Variants in JARID2 observed in about 807,000 individuals in gnomAD.
JARID2 encodes protein Jumonji.
In JARID2, 21 loss-of-function variants were observed where a neutral mutation model predicts 125.6. The observed-to-expected ratio is 0.17, with a 90% CI of 0.12 to 0.24. JARID2 has a LOEUF of 0.24. JARID2 is among the 10% of genes least tolerant of loss of function. The pLI is 1.00. For missense variants in JARID2, 1,303 were observed against 1,639.6 expected (o/e 0.79, Z 3.55); for synonymous variants, 736 against 661.6 (o/e 1.11, Z -1.73).
chr6:15,438,944 ATCGCT>A (rs1767330638), intron 3 of JARID2, among the ~76,000 whole-genome samples: 1 of 151,778 alleles, frequency 6.6e-6, no homozygotes, highest in South Asian at 2.1e-4. Context: ...AGGCAAGAGA[ATCGCT>A]TCAACCCGGA....
intron 3 of JARID2, among the ~76,000 whole-genome samples, chr6:15,419,030 T>C (rs1245144452): frequency 6.6e-6 from 1 of 152,052 alleles, no homozygotes; most frequent in Non-Finnish European, 1.5e-5. Flanking sequence ...TGAGCATCCT[T>C]AATAATTGGA....
intron 4 of JARID2, among the ~76,000 whole-genome samples, chr6:15,461,175 T>G (rs2127660877): frequency 6.6e-6 from 1 of 152,328 alleles, no homozygotes; most frequent in Middle Eastern, 3.4e-3. Context: ...GAATGTGTTT[T>G]AAATTGCCAG....
At chr6:15,403,051 A>G (rs1239917667) in intron 2 of JARID2, among the ~76,000 whole-genome samples, 1 of 152,158 alleles carries the variant, frequency 6.6e-6, no homozygotes, top group Admixed American at 6.5e-5. Context: ...TATAAAGGTC[A>G]TATTAAGGAT....
At chr6:15,499,059 C>T (rs1770601496) in intron 7 of JARID2, among the ~76,000 whole-genome samples, 1 of 152,160 alleles carries the variant, frequency 6.6e-6, no homozygotes, top group Non-Finnish European at 1.5e-5. Context: ...GGGACAAAAG[C>T]CATACTGTGC....
intron 3 of JARID2, among the ~76,000 whole-genome samples, chr6:15,450,866 G>T (rs745438045): frequency 9.8e-5 from 15 of 152,322 alleles, no homozygotes; most frequent in South Asian, 4.1e-4. Context: ...GAACAAACTG[G>T]GCTGGGTGTG....
At chr6:15,427,005 C>G (rs1041665871) in intron 3 of JARID2, among the ~76,000 whole-genome samples, 1 of 152,150 alleles carries the variant, frequency 6.6e-6, no homozygotes, top group African/African-American at 2.4e-5. Context: ...GTCTGGCAAC[C>G]CTTTGTGGCT....
intron 1 of JARID2, among the ~76,000 whole-genome samples, chr6:15,336,122 T>C (rs998569383): frequency 2.6e-5 from 4 of 151,902 alleles, no homozygotes; most frequent in African/African-American, 9.7e-5. Context: ...AATGAATAAA[T>C]AAATAAATAA....
chr6:15,477,508 T>A (rs1348287618), intron 5 of JARID2, among the ~76,000 whole-genome samples: 1 of 19,358 alleles, frequency 5.2e-5, no homozygotes, highest in African/African-American at 3.0e-4. Context: ...GTGTTGGTTT[T>A]TTTTTTTTTT....
intron 2 of JARID2, among the ~76,000 whole-genome samples, chr6:15,380,987 G>A (rs1189413748): frequency 1.3e-5 from 2 of 152,070 alleles, no homozygotes; most frequent in Non-Finnish European, 2.9e-5. Context: ...TTCAGGTCTA[G>A]CTGTACTAGA....
chr6:15,315,151 A>G (rs541439500), intron 1 of JARID2: 2 of 152,380 alleles, frequency 1.3e-5, no homozygotes, highest in African/African-American at 4.8e-5. Flanking sequence ...TAATACGTAT[A>G]TTAATGAAGA....
intron 1 of JARID2, among the ~76,000 whole-genome samples, chr6:15,362,213 G>A (rs771136216): frequency 4.6e-5 from 7 of 152,040 alleles, no homozygotes; most frequent in Non-Finnish European, 8.8e-5. Context: ...TTAATTTGTC[G>A]AAAATATATC....
At chr6:15,451,883 A>T (rs1767935654) in intron 3 of JARID2, 123 bp from the exon 4 acceptor site, 1 of 914,018 alleles carries the variant, frequency 1.1e-6, no homozygotes, top group Non-Finnish European at 1.6e-6. Context: ...AACCTTAATT[A>T]GGAAGAGTTT....
chr6:15,278,585 C>CAAAAAAT (rs112083083), intron 1 of JARID2, among the ~76,000 whole-genome samples: 11,530 of 151,616 alleles, frequency 0.076, 455 homozygotes, highest in Admixed American at 0.11. Flanking sequence ...GACTCCGTCT[C>CAAAAAAT]AAAAAATAAA....
intron 6 of JARID2, among the ~76,000 whole-genome samples, chr6:15,489,192 T>G (rs958786175): frequency 6.6e-6 from 1 of 152,220 alleles, no homozygotes; most frequent in Non-Finnish European, 1.5e-5. Flanking sequence ...GGTTAAGTTG[T>G]TTTTGTTTAT....
At chr6:15,395,681 T>G (rs866061478) in intron 2 of JARID2, among the ~76,000 whole-genome samples, 22 of 151,798 alleles carry the variant, frequency 1.4e-4, no homozygotes, top group African/African-American at 3.9e-4. Context: ...ATTACAGGCA[T>G]GAGCCACCGC....
chr6:15,447,121 C>T (rs1767707210), intron 3 of JARID2, among the ~76,000 whole-genome samples: 1 of 152,190 alleles, frequency 6.6e-6, no homozygotes, highest in African/African-American at 2.4e-5. Flanking sequence ...ATACACGCCC[C>T]AGTGATGATC....
intron 12 of JARID2, chr6:15,509,283 CGGCATGCTGT>C: frequency 1.0e-6 from 1 of 985,004 alleles, no homozygotes; most frequent in South Asian, 4.7e-5. Flanking sequence ...GATCGTTTAC[CGGCATGCTGT>C]TCATGCCATG....
chr6:15,391,329 G>A (rs373427738), intron 2 of JARID2, among the ~76,000 whole-genome samples: 4 of 152,166 alleles, frequency 2.6e-5, no homozygotes, highest in African/African-American at 9.7e-5. Flanking sequence ...TGTTAGGTTT[G>A]TATAGGAGGG....
chr6:15,285,106 G>GGTTT (rs1357349792), intron 1 of JARID2, among the ~76,000 whole-genome samples: 9 of 119,460 alleles, frequency 7.5e-5, no homozygotes, highest in African/African-American at 3.0e-4. Flanking sequence ...GTCTTTCTGG[G>GGTTT]TTTTTTTTTT....
Sources: allele counts gnomAD v4.1 joint callset (sites outside exome capture counted in the v4.1 genomes callset), GRCh38; gene constraint gnomAD v4.1.1; transcripts MANE v1.5; gene names NCBI Gene and HGNC (gene_info 2026-07-23, HGNC 2026-07-21).